SGCZ: variants seen among roughly 807,000 people sequenced by gnomAD.
SGCZ encodes the protein sarcoglycan zeta, also known as zeta-sarcoglycan.
Under a neutral mutation model 41.3 loss-of-function variants are expected in SGCZ, and 40 were observed. That is an observed-to-expected ratio of 0.97 (90% CI 0.75 to 1.26). The LOEUF is 1.26. Ranked by LOEUF, SGCZ falls within the 50% of genes most tolerant of loss-of-function variation. The pLI, the probability that SGCZ is intolerant of heterozygous loss-of-function variation, is 0.00. For synonymous variants in SGCZ, 206 were observed against 137.5 expected (o/e 1.50, Z -3.49); for missense variants, 552 against 369.8 (o/e 1.49, Z -4.04).
chr8:14,314,149 G>A (rs571684584), intron 3 of SGCZ, among the ~76,000 whole-genome samples: 1 of 152,146 alleles, frequency 6.6e-6, no homozygotes, highest in South Asian at 2.1e-4. Flanking sequence ...TTTTAAAGCT[G>A]CCCTAACATG....
chr8:14,710,205 A>C (rs1809468626), intron 1 of SGCZ, among the ~76,000 whole-genome samples: 1 of 131,344 alleles, frequency 7.6e-6, no homozygotes, highest in Non-Finnish European at 1.6e-5. Flanking sequence ...CTCTACTAAA[A>C]AAAACAAAAA....
At chr8:15,148,319 G>A (rs1799089232) in intron 1 of SGCZ, among the ~76,000 whole-genome samples, 1 of 152,182 alleles carries the variant, frequency 6.6e-6, no homozygotes, top group African/African-American at 2.4e-5. Context: ...TCGGACATCA[G>A]GTTCAGGAGC....
At chr8:14,440,687 ACACGTATATGTATATATG>A (rs1800225748) in intron 2 of SGCZ, among the ~76,000 whole-genome samples, 1 of 60,476 alleles carries the variant, frequency 1.7e-5, no homozygotes, top group Admixed American at 1.9e-4. Flanking sequence ...ACATACGTAT[ACACGTATATGTATATATG>A]TATATACATA....
At chr8:14,973,088 C>G (rs529964985) in intron 1 of SGCZ, among the ~76,000 whole-genome samples, 2 of 152,234 alleles carry the variant, frequency 1.3e-5, no homozygotes, top group African/African-American at 4.8e-5. Flanking sequence ...AAACTTTGTT[C>G]TGGGATACAG....
intron 4 of SGCZ, among the ~76,000 whole-genome samples, chr8:14,195,422 C>A: frequency 6.6e-6 from 1 of 152,054 alleles, no homozygotes; most frequent in East Asian, 1.9e-4. Context: ...ACAACTTCAG[C>A]TGAGTTCACG....
chr8:14,793,678 G>T (rs986265284), intron 1 of SGCZ, among the ~76,000 whole-genome samples: 1 of 152,046 alleles, frequency 6.6e-6, no homozygotes, highest in East Asian at 1.9e-4. Context: ...ATTGCAAATG[G>T]GTAGGCATGG....
Position 14,324,089 on chromosome 8 carries a change from C to A in SGCZ, c.336+14G>T, listed in dbSNP as rs767466821. ...AATTATCTTTTAGAGTAAGCCAAAGCCAGTATCACATACCTTTCGAGAATG... is the reference window on the plus strand; with the variant it reads ...AATTATCTTTTAGAGTAAGCCAAAGACAGTATCACATACCTTTCGAGAATG... On this transcript the variant is annotated intron_variant, in intron 3 of 7. Transcript: ENST00000382080. The A allele has an allele frequency of 1.3e-6, 2 of 1,563,698 alleles. No homozygotes were observed. The highest frequency in any genetic ancestry group is 2.2e-5 in the South Asian group (2 of 89,948).
At chr8:15,220,963 T>A (rs959812917) in intron 1 of SGCZ, among the ~76,000 whole-genome samples, 4 of 151,864 alleles carry the variant, frequency 2.6e-5, no homozygotes, top group African/African-American at 9.7e-5. Flanking sequence ...AATTGAACAA[T>A]GAGAATACTT....
chr8:14,408,047 G>A (rs563824294), intron 2 of SGCZ, among the ~76,000 whole-genome samples: 2 of 152,180 alleles, frequency 1.3e-5, no homozygotes, highest in East Asian at 1.9e-4. Context: ...TTTCATTTTA[G>A]GGATTGATTT....
At chr8:14,435,457 T>C (rs1049721044) in intron 2 of SGCZ, among the ~76,000 whole-genome samples, 2 of 152,142 alleles carry the variant, frequency 1.3e-5, no homozygotes, top group Non-Finnish European at 2.9e-5. Context: ...TTCTCTTGAA[T>C]TTTTTTCACT....
intron 1 of SGCZ, among the ~76,000 whole-genome samples, chr8:15,040,167 C>G (rs1804037234): frequency 6.6e-6 from 1 of 152,144 alleles, no homozygotes; most frequent in African/African-American, 2.4e-5. Flanking sequence ...TAGTACTCAA[C>G]AAATGTTTAA....
rs145515575 is a variant in SGCZ, at chr8:15,049,582, A to G, written c.39+188003T>C. Among the ~76,000 whole-genome samples, 520 of 152,298 alleles carry G rather than the reference A, an allele frequency of 3.4e-3. 2 individuals carry two copies. Among genetic ancestry groups the G allele is most frequent in the Middle Eastern group, 0.034 (10 of 294 alleles). On this transcript the variant is annotated intron_variant, in intron 1 of 7. Coordinates refer to ENST00000382080, the MANE Select transcript of SGCZ (RefSeq NM_139167.4). The stretch of plus-strand genomic sequence containing the variant: ...GCCAGGAGTGGAAGCATGGAGACCA[A>G]TTAGGCAGAGATATGTACTGCCACC...
chr8:14,136,086 T>C (rs1322521146), intron 5 of SGCZ, among the ~76,000 whole-genome samples: 4 of 152,068 alleles, frequency 2.6e-5, no homozygotes, highest in Non-Finnish European at 5.9e-5. Flanking sequence ...CAACAAACTA[T>C]TAGCAAATAA....
chr8:15,231,464 G>GTAAC, intron 1 of SGCZ, among the ~76,000 whole-genome samples: 1 of 152,108 alleles, frequency 6.6e-6, no homozygotes, highest in South Asian at 2.1e-4. Context: ...TGGAGGGGTG[G>GTAAC]TAACCTTAAA....
chr8:15,174,868 A>G (rs184562244), intron 1 of SGCZ, among the ~76,000 whole-genome samples: 24 of 152,316 alleles, frequency 1.6e-4, no homozygotes, highest in Non-Finnish European at 2.5e-4. Flanking sequence ...AAGGTTGTGG[A>G]GTCAAAGTAA....
intron 1 of SGCZ, among the ~76,000 whole-genome samples, chr8:15,007,996 A>G (rs1802666825): frequency 6.6e-6 from 1 of 152,196 alleles, no homozygotes; most frequent in African/African-American, 2.4e-5. Flanking sequence ...CTCTCAAGTT[A>G]CAGTAAGTCA....
At chr8:14,959,328 T>C (rs1800890264) in intron 1 of SGCZ, among the ~76,000 whole-genome samples, 1 of 152,082 alleles carries the variant, frequency 6.6e-6, no homozygotes, top group Non-Finnish European at 1.5e-5. Flanking sequence ...ATGCTTTCTT[T>C]GGTTGGTTGG....
At chr8:14,507,805 C>G (rs1376719717) in intron 2 of SGCZ, among the ~76,000 whole-genome samples, 2 of 129,692 alleles carry the variant, frequency 1.5e-5, no homozygotes, top group East Asian at 4.8e-4. Flanking sequence ...GAGTTTCGTT[C>G]TTGTTACCCA....
At chr8:14,109,222 C>G (rs1352887564) in intron 5 of SGCZ, among the ~76,000 whole-genome samples, 3 of 152,254 alleles carry the variant, frequency 2.0e-5, no homozygotes, top group South Asian at 2.1e-4. Context: ...AGGTCATATA[C>G]TCTAACACTT....
Sources: gnomAD v4.1 joint callset for allele counts (sites outside exome capture counted in the v4.1 genomes callset) on GRCh38, gnomAD v4.1.1 for gene constraint, MANE v1.5 for transcripts, NCBI Gene and HGNC (gene_info 2026-07-23, HGNC 2026-07-21) for gene names.